CLASP2: variants seen among roughly 807,000 people sequenced by gnomAD.
CLASP2 encodes CLIP-associating protein 2.
A neutral mutation model predicts 194.4 loss-of-function variants in CLASP2; 47 were observed. The observed-to-expected ratio is 0.24, with a 90% CI of 0.19 to 0.31. The LOEUF is 0.31. Ranked by LOEUF, CLASP2 falls within the 10% of genes least tolerant of loss-of-function variation. CLASP2 has a pLI of 1.00. For synonymous variants in CLASP2, 619 were observed against 633.5 expected (o/e 0.98, Z 0.34); for missense variants, 1,445 against 1,823.6 (o/e 0.79, Z 3.78).
Position 33,687,065 on chromosome 3 carries a change from T to C in CLASP2, c.541A>G (p.Ser181Gly). The C allele has an allele frequency of 1.9e-6, 3 of 1,583,840 alleles. No homozygotes were observed. Among genetic ancestry groups the C allele is most frequent in the Non-Finnish European group, 2.6e-6 (3 of 1,163,450 alleles). The change falls in exon 5 of 39, where the codon AGT becomes GGT. Residue 181 changes from serine (S) to glycine (G), a missense_variant. Physicochemically the swap from Ser to Gly is moderately conservative, Grantham distance 56. Transcript: ENST00000682230. ...GAATGTAAATAAAATTTTACCTGACTGTTGGAGTCTCCAAACAGGATACAC... is the reference window on the plus strand; with the variant it reads ...GAATGTAAATAAAATTTTACCTGACCGTTGGAGTCTCCAAACAGGATACAC... ...HLCILFGDSNSQVRDAAILAI... is the reference protein window; with the variant it reads ...HLCILFGDSNGQVRDAAILAI...
Position 33,511,030 on chromosome 3 carries a change from A to T in CLASP2, c.4111-266T>A, listed in dbSNP as rs79605753. On this transcript the variant is annotated intron_variant, in intron 36 of 38. Coordinates refer to ENST00000682230, the MANE Select transcript of CLASP2 (RefSeq NM_001365631.1). ...GTTCTTTTTTGCTGTTGGCTAAAGTATTTTTTTTTTTTTTTTTTTTGAGAC... is the reference window on the plus strand; with the variant it reads ...GTTCTTTTTTGCTGTTGGCTAAAGTTTTTTTTTTTTTTTTTTTTTTGAGAC... Among the ~76,000 whole-genome samples the T allele has an allele frequency of 4.4e-3, 463 of 105,786 alleles. 5 individuals are homozygous for T. The highest frequency in any genetic ancestry group is 4.4e-3 in the African/African-American group (126 of 28,654). The allele number at this position is 105,786 out of a possible 152,430, so 69.4% of individuals were successfully genotyped here.
At chr3:33,649,811 G>C (rs1421842579) in intron 7 of CLASP2, among the ~76,000 whole-genome samples, 1 of 152,146 alleles carries the variant, frequency 6.6e-6, no homozygotes, top group Non-Finnish European at 1.5e-5. Flanking sequence ...GAGAATAACA[G>C]AGAAGTGAAT....
chr3:33,681,598 T>A (rs1028525843), intron 6 of CLASP2, among the ~76,000 whole-genome samples: 6 of 152,292 alleles, frequency 3.9e-5, no homozygotes, highest in Non-Finnish European at 8.8e-5. Flanking sequence ...CTTCACAGAA[T>A]AAACTGTCAG....
At chr3:33,542,465 T>A (rs2058513512) in intron 32 of CLASP2, among the ~76,000 whole-genome samples, 1 of 148,980 alleles carries the variant, frequency 6.7e-6, no homozygotes, top group Non-Finnish European at 1.5e-5. Context: ...GGGTTAAATA[T>A]ATAATAAATA....
At chr3:33,588,430 T>C (rs962465752) in intron 21 of CLASP2, among the ~76,000 whole-genome samples, 3 of 152,174 alleles carry the variant, frequency 2.0e-5, no homozygotes, top group African/African-American at 7.2e-5. Context: ...CAAACTACCA[T>C]TTTATAGTTT....
intron 21 of CLASP2, among the ~76,000 whole-genome samples, chr3:33,587,452 G>C (rs1268667937): frequency 2.0e-5 from 3 of 152,000 alleles, no homozygotes; most frequent in African/African-American, 7.2e-5. Flanking sequence ...CAGTTTTCTT[G>C]GAATGGTCTT....
chr3:33,595,057 T>A, intron 19 of CLASP2, 89 bp from the exon 20 acceptor site: 1 of 687,636 alleles, frequency 1.5e-6, no homozygotes. Context: ...AACACTACAA[T>A]GAAAGGGTAA....
intron 27 of CLASP2, among the ~76,000 whole-genome samples, chr3:33,565,116 T>C (rs1001106790): frequency 6.6e-6 from 1 of 152,184 alleles, no homozygotes; most frequent in African/African-American, 2.4e-5. Flanking sequence ...AAGATCTTTA[T>C]GGTGATCCAT....
At chr3:33,570,293 G>T (rs2063500223) in intron 26 of CLASP2, among the ~76,000 whole-genome samples, 2 of 152,086 alleles carry the variant, frequency 1.3e-5, no homozygotes, top group Non-Finnish European at 2.9e-5. Flanking sequence ...CACATTTTGT[G>T]CCTTTGTGTT....
chr3:33,689,382 T>TA (rs1034800583), intron 3 of CLASP2, among the ~76,000 whole-genome samples: 191 of 144,050 alleles, frequency 1.3e-3, no homozygotes, highest in Non-Finnish European at 2.2e-3. Flanking sequence ...CCACAATATT[T>TA]AAAAAAAAAA....
chr3:33,678,996 T>C (rs1434937098), intron 6 of CLASP2, among the ~76,000 whole-genome samples: 1 of 152,118 alleles, frequency 6.6e-6, no homozygotes, highest in Non-Finnish European at 1.5e-5. Flanking sequence ...ATTTGGAAGA[T>C]TGACACTACC....
At chr3:33,678,653 A>C (rs914132683) in intron 6 of CLASP2, among the ~76,000 whole-genome samples, 2 of 152,224 alleles carry the variant, frequency 1.3e-5, no homozygotes, top group Non-Finnish European at 2.9e-5. Flanking sequence ...AGTTCTTTAG[A>C]GAGAAGGAAA....
At chr3:33,526,049 A>C (rs2054463254) in intron 34 of CLASP2, among the ~76,000 whole-genome samples, 1 of 149,710 alleles carries the variant, frequency 6.7e-6, no homozygotes, top group African/African-American at 2.4e-5. Flanking sequence ...TGCTCCACCA[A>C]AGCGTGGGCA....
chr3:33,591,017 T>TA (rs1159883787), intron 21 of CLASP2, among the ~76,000 whole-genome samples: 4 of 149,752 alleles, frequency 2.7e-5, no homozygotes, highest in Non-Finnish European at 6.0e-5. Flanking sequence ...CCCACCTCTA[T>TA]AAAAAAAAAT....
chr3:33,554,812 G>C (rs551794851), intron 29 of CLASP2: 35 of 153,236 alleles, frequency 2.3e-4, no homozygotes, highest in African/African-American at 7.0e-4. Context: ...ATGATTCCAT[G>C]AAAGATTTTG....
At chr3:33,574,149 T>C (rs2064327358) in intron 24 of CLASP2, among the ~76,000 whole-genome samples, 1 of 152,128 alleles carries the variant, frequency 6.6e-6, no homozygotes, top group Non-Finnish European at 1.5e-5. Context: ...TTAAAAGAGC[T>C]GAAAACAAAT....
At chr3:33,673,250 G>C (rs1307207735) in intron 6 of CLASP2, among the ~76,000 whole-genome samples, 1 of 152,228 alleles carries the variant, frequency 6.6e-6, no homozygotes, top group African/African-American at 2.4e-5. Context: ...TGTCTCGGCA[G>C]AAACTCTACA....
intron 1 of CLASP2, among the ~76,000 whole-genome samples, chr3:33,714,390 T>C (rs571269765): frequency 6.6e-6 from 1 of 152,330 alleles, no homozygotes; most frequent in East Asian, 1.9e-4. Flanking sequence ...TCATCTCAAC[T>C]TGTAACAGTC....
At chr3:33,565,989 C>T (rs1420675975) in intron 27 of CLASP2, among the ~76,000 whole-genome samples, 1 of 152,070 alleles carries the variant, frequency 6.6e-6, no homozygotes, top group East Asian at 1.9e-4. Flanking sequence ...CCTCTCTAAC[C>T]TCCTCATTGT....
Sources: allele counts gnomAD v4.1 joint callset (sites outside exome capture counted in the v4.1 genomes callset), GRCh38; gene constraint gnomAD v4.1.1; transcripts MANE v1.5; gene names NCBI Gene and HGNC (gene_info 2026-07-23, HGNC 2026-07-21).